The following LEMD2 variants were observed in gnomAD, a reference collection of about 807,000 sequenced individuals.
The protein encoded by LEMD2 is LEM domain-containing protein 2.
Under a neutral mutation model 58.8 loss-of-function variants are expected in LEMD2, and 34 were observed. The observed-to-expected ratio is 0.58, with a 90% confidence interval of 0.44 to 0.77. The LOEUF is 0.77. LEMD2 is among the 30% of genes least tolerant of loss of function. LEMD2 has a pLI of 0.00. For synonymous variants in LEMD2, 298 were observed against 308.9 expected (o/e 0.96, Z 0.37); for missense variants, 629 against 717.9 (o/e 0.88, Z 1.42).
At chr6:33,772,992 C>T (rs1217127822) in intron 8 of LEMD2, among the ~76,000 whole-genome samples, 1 of 152,212 alleles carries the variant, frequency 6.6e-6, no homozygotes, top group Non-Finnish European at 1.5e-5. Flanking sequence ...CAAACACATT[C>T]AATTAAAGGG....
At chr6:33,783,494 T>C (rs967681840) in intron 3 of LEMD2, among the ~76,000 whole-genome samples, 4 of 152,220 alleles carry the variant, frequency 2.6e-5, no homozygotes, top group African/African-American at 9.6e-5. Flanking sequence ...GCCTCTTGAA[T>C]ATCCCTTAAG....
chr6:33,788,518 G>T lies in LEMD2; in HGVS notation c.599C>A (p.Pro200His). ...GCGCTCCAGCCGGCGCCCCACCTCA[G>T]GCCGGGCCCTCGCCGCGCCAGCAGG... ...AGPAGAARAR[P>H]EVGRRLERWL... The change falls in exon 1 of 9, where the codon CCT becomes CAT. Residue 200 changes from proline (P) to histidine (H), a missense_variant. By Grantham distance (77) the Pro-to-His change is moderately conservative. Transcript: ENST00000293760. 6.6e-7 allele frequency: 1 copy of T among 1,518,654 alleles called. No individual in the cohort carries two copies. The highest frequency in any genetic ancestry group is 8.8e-7 in the Non-Finnish European group (1 of 1,133,262). 94.1% of individuals were successfully genotyped at this position (1,518,654 alleles called of 1,614,324 possible). A position where few individuals can be genotyped will look rare whatever the true frequency, so the allele number is the denominator to read the frequency against.
At chr6:33,783,499 C>T (rs979108562) in intron 3 of LEMD2, among the ~76,000 whole-genome samples, 8 of 152,214 alleles carry the variant, frequency 5.3e-5, no homozygotes, top group African/African-American at 1.9e-4. Context: ...TTGAATATCC[C>T]TTAAGATAGA....
At chr6:33,784,550 C>T in intron 2 of LEMD2, 123 bp from the exon 3 acceptor site, 2 of 670,342 alleles carry the variant, frequency 3.0e-6, no homozygotes, top group East Asian at 2.8e-5. Context: ...CATACTTTTA[C>T]AAAATAGAAA....
At chr6:33,785,339 T>C (rs958022273) in intron 2 of LEMD2, among the ~76,000 whole-genome samples, 3 of 152,202 alleles carry the variant, frequency 2.0e-5, no homozygotes, top group African/African-American at 7.2e-5. Flanking sequence ...GCCCAGCCCC[T>C]GCTTTCTGAT....
At chr6:33,775,722 A>G (rs1767414775) in intron 8 of LEMD2, among the ~76,000 whole-genome samples, 2 of 152,220 alleles carry the variant, frequency 1.3e-5, no homozygotes, top group Admixed American at 1.3e-4. Flanking sequence ...GCCACTAGCC[A>G]TGGGACTCTT....
At chr6:33,783,853 G>A (rs372052890) in intron 3 of LEMD2, among the ~76,000 whole-genome samples, 12 of 152,196 alleles carry the variant, frequency 7.9e-5, no homozygotes. Context: ...GACTTTGTCC[G>A]AGGTCCCACA....
chr6:33,788,873 A>G lies in LEMD2; in HGVS notation c.244T>C (p.Ser82Pro). ...APLRARPAAA[S>P]PRAEPWLSQP... ...GAGAGCCAGGGCTCCGCCCGCGGAGAGGCCGCGGCGGGCCGGGCGCGCAGC... is the reference window on the plus strand; with the variant it reads ...GAGAGCCAGGGCTCCGCCCGCGGAGGGGCCGCGGCGGGCCGGGCGCGCAGC... The change falls in exon 1 of 9, where the codon TCT becomes CCT. Residue 82 changes from serine (S) to proline (P), a missense_variant. By Grantham distance (74) the Ser-to-Pro change is moderately conservative (BLOSUM62 -1). Coordinates refer to ENST00000293760, the MANE Select transcript of LEMD2 (RefSeq NM_181336.4). 1.5e-6 allele frequency: 2 copies of G among 1,373,712 alleles called. No individual in the cohort carries two copies. Among genetic ancestry groups the G allele is most frequent in the Non-Finnish European group, 1.9e-6 (2 of 1,072,072 alleles). 85.1% of individuals were successfully genotyped at this position (1,373,712 alleles called of 1,614,324 possible).
chr6:33,774,789 T>C (rs1767392125), intron 8 of LEMD2, among the ~76,000 whole-genome samples: 1 of 152,168 alleles, frequency 6.6e-6, no homozygotes, highest in Non-Finnish European at 1.5e-5. Context: ...CCCCTTCCCT[T>C]AGGGCTTGTC....
At chr6:33,784,473 A>AGGGGGGGG in intron 2 of LEMD2, 46 bp from the exon 3 acceptor site, 2 of 45,288 alleles carry the variant, frequency 4.4e-5, no homozygotes, top group Non-Finnish European at 8.8e-5. Flanking sequence ...GGTGGGTGGG[A>AGGGGGGGG]GGGGTCCGTC....
rs1177463335 is a variant in LEMD2 at position 33,786,989 on chromosome 6, TG to T, written c.737-216del. ...TTAGGAATTACGATAGCTGGGTCCT[TG>T]TCCCAGCTGAAAATGATTAGCTCAA... On this transcript the variant is annotated intron_variant, in intron 1 of 8. Transcript: ENST00000293760. 2.8e-6 allele frequency: 3 copies of T among 1,073,064 alleles called. No individual in the cohort carries two copies. The African/African-American group carries it at 4.9e-5, about 17-fold the overall frequency. 66.5% of individuals were successfully genotyped at this position (1,073,064 alleles called of 1,614,324 possible). A position where few individuals can be genotyped will look rare whatever the true frequency, so the allele number is the denominator to read the frequency against.
rs1767745803 is a variant in LEMD2, at chr6:33,788,706, G to A, written c.411C>T (p.Gly137=). 2 of 1,417,188 alleles carry A rather than the reference G, an allele frequency of 1.4e-6. No individual in the cohort carries two copies. The highest frequency in any genetic ancestry group is 2.8e-5 in the Admixed American group (1 of 36,346). 87.8% of individuals were successfully genotyped at this position (1,417,188 alleles called of 1,614,324 possible). The change falls in exon 1 of 9, where the codon GGC becomes GGT. Residue 137 remains glycine, a synonymous_variant. Coordinates refer to ENST00000293760, the MANE Select transcript of LEMD2 (RefSeq NM_181336.4). ...AQLRRRASVR[G]SSEEDEDART... ...GGGCGTCCTCGTCCTCCTCGGAGCT[G>A]CCCCGGACCGAGGCGCGGCGCCTGA...
At chr6:33,784,469 T>TGGGGTGGGGG in intron 2 of LEMD2, 42 bp from the exon 3 acceptor site, 1 of 36,548 alleles carries the variant, frequency 2.7e-5, no homozygotes, top group South Asian at 1.5e-4. Context: ...GAGGGGTGGG[T>TGGGGTGGGGG]GGGAGGGGTC....
At chr6:33,781,295 C>T in intron 3 of LEMD2, 142 bp from the exon 4 acceptor site, 1 of 621,526 alleles carries the variant, frequency 1.6e-6, no homozygotes, top group South Asian at 2.0e-5. Flanking sequence ...GGGGCATCTT[C>T]ACTCTGCAGC....
intron 3 of LEMD2, among the ~76,000 whole-genome samples, chr6:33,783,911 G>A: frequency 6.6e-6 from 1 of 152,206 alleles, no homozygotes; most frequent in Non-Finnish European, 1.5e-5. Flanking sequence ...CCACTACACA[G>A]ACTATCTGCT....
chr6:33,780,397 G>A (rs1006316070), intron 4 of LEMD2: 27 of 583,172 alleles, frequency 4.6e-5, no homozygotes, highest in Non-Finnish European at 4.4e-5. Context: ...GCACAAGCAG[G>A]AAAACAGTGC....
chr6:33,776,649 T>A (rs1767436238), intron 8 of LEMD2: 1 of 410,026 alleles, frequency 2.4e-6, no homozygotes, highest in Non-Finnish European at 4.6e-6. Flanking sequence ...CTTCACTACT[T>A]GTGCCCTGGG....
chr6:33,779,057 T>C (rs1767505466), intron 5 of LEMD2: 1 of 152,190 alleles, frequency 6.6e-6, no homozygotes, highest in African/African-American at 2.4e-5. Flanking sequence ...GCATCCCAAG[T>C]GTCCTGATTT....
rs567229830 is a variant in LEMD2 at position 33,772,430 on chromosome 6, C to G, written c.*198G>C. ...TGGGCTATCACCCTGGCTTCTCCCC[C>G]TCCCTTTAAAGGAAGCCCACATTTT... On this transcript the variant is annotated 3_prime_UTR_variant, in exon 9 of 9. Transcript: ENST00000293760. 7.6e-6 allele frequency: 4 copies of G among 526,938 alleles called. No individual in the cohort carries two copies. The highest frequency in any genetic ancestry group is 3.9e-5 in the African/African-American group (2 of 51,460). The allele number at this position is 526,938 out of a possible 1,614,324, so 32.6% of individuals were successfully genotyped here.
Sources: allele counts gnomAD v4.1 joint callset (sites outside exome capture counted in the v4.1 genomes callset), GRCh38; gene constraint gnomAD v4.1.1; transcripts MANE v1.5; gene names NCBI Gene and HGNC (gene_info 2026-07-23, HGNC 2026-07-21).